The following ADAMTS16 variants were observed in gnomAD, a reference collection of about 807,000 sequenced individuals.
ADAMTS16 encodes the protein A disintegrin and metalloproteinase with thrombospondin motifs 16.
Under a neutral mutation model 145.8 loss-of-function variants are expected in ADAMTS16, and 94 were observed. That is an observed-to-expected ratio of 0.64 (90% CI 0.55 to 0.77). The LOEUF is 0.77. Ranked by LOEUF, ADAMTS16 falls within the 30% of genes least tolerant of loss-of-function variation. The probability of loss-of-function intolerance (pLI) is 0.00; values close to 1 mark genes in which losing one functional copy is unlikely to be tolerated. For missense variants in ADAMTS16, 1,585 were observed against 1,591.5 expected, an observed-to-expected ratio of 1.00 and a Z score of 0.07; for synonymous variants, 659 against 604.3, an observed-to-expected ratio of 1.09 and a Z score of -1.33.
At chr5:5,276,823 GTTTTTCTCT>G (rs1560983309) in intron 18 of ADAMTS16, among the ~76,000 whole-genome samples, 1 of 151,376 alleles carries the variant, frequency 6.6e-6, no homozygotes, top group Non-Finnish European at 1.5e-5. Context: ...CACTAGCCTC[GTTTTTCTCT>G]TTTTTCTTGC....
At chr5:5,278,124 A>G (rs1738771420) in intron 18 of ADAMTS16, among the ~76,000 whole-genome samples, 2 of 152,216 alleles carry the variant, frequency 1.3e-5, no homozygotes, top group South Asian at 4.1e-4. Context: ...CCACGTGAAC[A>G]TTGTTTAAAC....
At chr5:5,214,857 T>C (rs1361551316) in intron 10 of ADAMTS16, among the ~76,000 whole-genome samples, 1 of 150,976 alleles carries the variant, frequency 6.6e-6, no homozygotes, top group Non-Finnish European at 1.5e-5. Context: ...ATAAAACTTA[T>C]TTTTTTTAAT....
chr5:5,228,440 A>G (rs1485509348), intron 11 of ADAMTS16, among the ~76,000 whole-genome samples: 2 of 152,224 alleles, frequency 1.3e-5, no homozygotes, highest in Non-Finnish European at 1.5e-5. Context: ...AAGCTAAGTA[A>G]CATTTATAGT....
chr5:5,165,962 C>T (rs553494998), intron 3 of ADAMTS16, among the ~76,000 whole-genome samples: 1 of 152,218 alleles, frequency 6.6e-6, no homozygotes, highest in Non-Finnish European at 1.5e-5. Flanking sequence ...CTGCGACTCC[C>T]TCGCACTGTC....
chr5:5,223,168 C>T, intron 11 of ADAMTS16: 1 of 404,608 alleles, frequency 2.5e-6, no homozygotes, highest in Admixed American at 3.7e-5. Context: ...AAACATTAAG[C>T]CATTGACCAC....
intron 4 of ADAMTS16, among the ~76,000 whole-genome samples, chr5:5,184,028 G>A (rs1394784817): frequency 1.3e-5 from 2 of 152,188 alleles, no homozygotes; most frequent in Non-Finnish European, 2.9e-5. Context: ...CCCCCCTGGG[G>A]TATGCAGGTG....
intron 3 of ADAMTS16, among the ~76,000 whole-genome samples, chr5:5,151,982 A>G (rs879739113): frequency 3.3e-5 from 5 of 152,140 alleles, no homozygotes; most frequent in Non-Finnish European, 5.9e-5. Flanking sequence ...TTCCACGTGT[A>G]AGTGAGACCA....
Position 5,232,347 on chromosome 5 carries a change from TATTTATGTTGAAA to T in ADAMTS16, c.1702-16_1702-4del. ...TCCATCTGTGTGAGTCAAGTCAACT[TATTTATGTTGAAA>T]ATTTTAGTGGTGCCGGGGAGGACAG... is the stretch of plus-strand genomic sequence containing the variant. On this transcript the variant is annotated splice_polypyrimidine_tract_variant and splice_region_variant and intron_variant, in intron 11 of 22. Coordinates refer to ENST00000274181, the MANE Select transcript of ADAMTS16 (RefSeq NM_139056.4). The T allele has an allele frequency of 6.2e-7, 1 of 1,613,976 alleles. No homozygotes were observed. The highest frequency in any genetic ancestry group is 1.1e-5 in the South Asian group (1 of 91,080).
At chr5:5,142,632 G>C (rs539205213) in intron 2 of ADAMTS16, among the ~76,000 whole-genome samples, 2 of 152,260 alleles carry the variant, frequency 1.3e-5, no homozygotes, top group South Asian at 4.2e-4. Flanking sequence ...GCCTGTCTAG[G>C]TATCCATTAG....
Position 5,266,343 on chromosome 5 carries a change from CCCTTTGCATCTGCAAACCCCACAGGA to C in ADAMTS16, c.2789+3563_2789+3588del, listed in dbSNP as rs573508482. On this transcript the variant is annotated intron_variant, in intron 18 of 22. Coordinates refer to ENST00000274181, the MANE Select transcript of ADAMTS16 (RefSeq NM_139056.4). ...ATAGTTGGGACACCCCTGAAGAGGC[CCCTTTGCATCTGCAAACCCCACAGGA>C]CCAGGCATAGAAAGCAGGAGAGCTG... 5.9e-5 allele frequency among the ~76,000 whole-genome samples: 9 copies of C among 152,200 alleles called. No individual in the cohort carries two copies. In the South Asian group the frequency reaches 1.9e-3, roughly 32 times the overall value.
intron 21 of ADAMTS16, among the ~76,000 whole-genome samples, chr5:5,309,460 C>T (rs903542177): frequency 6.6e-6 from 1 of 152,076 alleles, no homozygotes; most frequent in African/African-American, 2.4e-5. Context: ...TGCGCCTAAC[C>T]CATAGTAAGT....
intron 11 of ADAMTS16, among the ~76,000 whole-genome samples, chr5:5,228,903 A>T (rs946704934): frequency 6.6e-6 from 1 of 152,242 alleles, no homozygotes; most frequent in African/African-American, 2.4e-5. Flanking sequence ...ATTAGGTCAT[A>T]GCCTGTTCCT....
intron 2 of ADAMTS16, among the ~76,000 whole-genome samples, chr5:5,142,594 T>G (rs1734196152): frequency 6.6e-6 from 1 of 152,304 alleles, no homozygotes; most frequent in South Asian, 2.1e-4. Context: ...AGAAGACACT[T>G]GGTGACTGCT....
intron 8 of ADAMTS16, among the ~76,000 whole-genome samples, chr5:5,192,435 G>C (rs778128942): frequency 6.6e-6 from 1 of 152,018 alleles, no homozygotes; most frequent in African/African-American, 2.4e-5. Flanking sequence ...TGTTACCCTC[G>C]CGTTTGTGTT....
chr5:5,195,574 T>C (rs1039145273), intron 8 of ADAMTS16, among the ~76,000 whole-genome samples: 1 of 152,214 alleles, frequency 6.6e-6, no homozygotes, highest in Non-Finnish European at 1.5e-5. Context: ...AAGTGTAATT[T>C]AGGTTGCATT....
At chr5:5,152,510 T>C (rs969249644) in intron 3 of ADAMTS16, among the ~76,000 whole-genome samples, 2 of 152,196 alleles carry the variant, frequency 1.3e-5, no homozygotes, top group Non-Finnish European at 2.9e-5. Context: ...GCTTCTGCAA[T>C]ATGGAACTGA....
At chr5:5,200,030 G>T in intron 8 of ADAMTS16, 102 bp from the exon 9 acceptor site, 1 of 1,367,012 alleles carries the variant, frequency 7.3e-7, no homozygotes, top group Non-Finnish European at 9.8e-7. Context: ...ATATAGGGGT[G>T]AGGGAGTCTC....
At chr5:5,166,866 C>T (rs140432993) in intron 3 of ADAMTS16, among the ~76,000 whole-genome samples, 1 of 152,302 alleles carries the variant, frequency 6.6e-6, no homozygotes, top group Non-Finnish European at 1.5e-5. Context: ...GTGGCTGCCA[C>T]GTGGAACTGC....
chr5:5,315,529 C>T (rs766682311), intron 21 of ADAMTS16, among the ~76,000 whole-genome samples: 22 of 151,910 alleles, frequency 1.4e-4, no homozygotes, highest in African/African-American at 4.4e-4. Flanking sequence ...CTGCCTGAGC[C>T]GCTTATCATA....
Sources: gnomAD v4.1 joint callset for allele counts (sites outside exome capture counted in the v4.1 genomes callset) on GRCh38, gnomAD v4.1.1 for gene constraint, MANE v1.5 for transcripts, NCBI Gene and HGNC (gene_info 2026-07-23, HGNC 2026-07-21) for gene names.